Variants in KCNMA1 observed in about 807,000 individuals in gnomAD.
KCNMA1 encodes the protein Calcium-activated potassium channel subunit alpha-1.
Under a neutral mutation model 140.0 loss-of-function variants are expected in KCNMA1, and 29 were observed. The ratio of observed to expected loss-of-function variants is 0.21; its 90% CI spans 0.15 to 0.28. KCNMA1 has a LOEUF of 0.28. Among genes scored for constraint, KCNMA1 ranks in the 10% least tolerant of loss-of-function variants. The pLI, the probability that KCNMA1 is intolerant of heterozygous loss-of-function variation, is 1.00. For missense variants in KCNMA1, 880 were observed against 1,602.2 expected, an observed-to-expected ratio of 0.55 and a Z score of 7.70; for synonymous variants, 612 against 611.9, an observed-to-expected ratio of 1.00 and a Z score of 0.00.
At chr10:77,504,627 T>C (rs138684058) in intron 1 of KCNMA1, among the ~76,000 whole-genome samples, 48 of 152,300 alleles carry the variant, frequency 3.2e-4, no homozygotes, top group African/African-American at 1.0e-3. Context: ...TCTCACTCTG[T>C]TGCCCATGCT....
chr10:77,559,482 C>T (rs996128320), intron 1 of KCNMA1, among the ~76,000 whole-genome samples: 3 of 152,192 alleles, frequency 2.0e-5, no homozygotes, highest in Non-Finnish European at 2.9e-5. Flanking sequence ...AACCCAAACA[C>T]CTCACTAGTA....
At chr10:77,315,269 T>C (rs1447235093) in intron 2 of KCNMA1, among the ~76,000 whole-genome samples, 5 of 152,228 alleles carry the variant, frequency 3.3e-5, no homozygotes, top group African/African-American at 1.2e-4. Context: ...CCAGGCTGTT[T>C]TGGGGACTCA....
intron 2 of KCNMA1, among the ~76,000 whole-genome samples, chr10:77,401,895 T>C (rs2096279280): frequency 6.6e-6 from 1 of 152,168 alleles, no homozygotes; most frequent in Non-Finnish European, 1.5e-5. Flanking sequence ...GCACTTATCC[T>C]CCATGCATTC....
intron 23 of KCNMA1, among the ~76,000 whole-genome samples, chr10:76,938,461 T>C (rs1439418346): frequency 6.6e-6 from 1 of 152,170 alleles, no homozygotes; most frequent in Non-Finnish European, 1.5e-5. Flanking sequence ...CAGGCTTCCA[T>C]CTGGATAGCC....
chr10:77,442,509 A>C (rs1004717439), intron 1 of KCNMA1, among the ~76,000 whole-genome samples: 5 of 151,986 alleles, frequency 3.3e-5, no homozygotes, highest in Non-Finnish European at 7.4e-5. Context: ...CTGCTACTTT[A>C]CTAGTTGTAA....
At chr10:77,025,626 A>AACAAAGGC (rs1232127816) in intron 16 of KCNMA1, among the ~76,000 whole-genome samples, 3 of 152,094 alleles carry the variant, frequency 2.0e-5, no homozygotes, top group Non-Finnish European at 2.9e-5. Context: ...TGAAACCAAC[A>AACAAAGGC]ACAAAGGCAG....
intron 14 of KCNMA1, among the ~76,000 whole-genome samples, chr10:77,055,327 G>C (rs1041074826): frequency 2.0e-5 from 3 of 152,128 alleles, no homozygotes; most frequent in Admixed American, 6.5e-5. Context: ...GCCTGACCTC[G>C]AGGCAGCCAG....
intron 10 of KCNMA1, among the ~76,000 whole-genome samples, chr10:77,087,743 T>G (rs1566014385): frequency 6.6e-6 from 1 of 152,170 alleles, no homozygotes; most frequent in Non-Finnish European, 1.5e-5. Context: ...TGAAAAAGAC[T>G]GTCGATAAGG....
intron 22 of KCNMA1, among the ~76,000 whole-genome samples, chr10:76,947,964 T>C (rs900967719): frequency 6.6e-6 from 1 of 151,174 alleles, no homozygotes; most frequent in African/African-American, 2.4e-5. Flanking sequence ...CCAGACTTCT[T>C]AACATGTAGA....
At position 77,211,739 on chromosome 10, in the gene KCNMA1, A is replaced by G. The variant is rs2046140712; in HGVS notation, c.603-26823T>C. 2.6e-5 allele frequency among the ~76,000 whole-genome samples: 4 copies of G among 152,168 alleles called. No individual in the cohort carries two copies. In the South Asian group the frequency reaches 8.3e-4, roughly 32 times the overall value. On this transcript the variant is annotated intron_variant, in intron 3 of 27. Coordinates refer to ENST00000286628, the MANE Select transcript of KCNMA1 (RefSeq NM_001161352.2). Reference sequence around the variant, plus strand: ...GGTCTAATAACTAGGATCTATAAGGAACTTAAAAAAATTGACAAGCAAATA... The same window carrying G: ...GGTCTAATAACTAGGATCTATAAGGGACTTAAAAAAATTGACAAGCAAATA...
At chr10:77,267,807 G>A (rs992679798) in intron 2 of KCNMA1, among the ~76,000 whole-genome samples, 5 of 152,144 alleles carry the variant, frequency 3.3e-5, no homozygotes, top group African/African-American at 7.2e-5. Flanking sequence ...ACAATAGAAT[G>A]GCTGCTGCAT....
chr10:77,080,676 C>T (rs577452699), intron 12 of KCNMA1, among the ~76,000 whole-genome samples: 1 of 152,218 alleles, frequency 6.6e-6, no homozygotes, highest in South Asian at 2.1e-4. Context: ...GGGCCTGGAG[C>T]AGGGGCTGCC....
intron 15 of KCNMA1, among the ~76,000 whole-genome samples, chr10:77,035,197 CT>C (rs1434201176): frequency 6.6e-6 from 1 of 152,208 alleles, no homozygotes; most frequent in Non-Finnish European, 1.5e-5. Context: ...AGAGAGCTCC[CT>C]ATGGTACCAG....
intron 3 of KCNMA1, among the ~76,000 whole-genome samples, chr10:77,219,162 A>G (rs891664787): frequency 1.3e-5 from 2 of 152,324 alleles, no homozygotes; most frequent in African/African-American, 4.8e-5. Flanking sequence ...CTTCACAGAC[A>G]TGCTTAATAA....
At chr10:76,999,922 C>T (rs2085648437) in intron 19 of KCNMA1, among the ~76,000 whole-genome samples, 1 of 152,038 alleles carries the variant, frequency 6.6e-6, no homozygotes, top group Non-Finnish European at 1.5e-5. Flanking sequence ...AACTTTGGGC[C>T]CAAACATAAG....
chr10:77,002,526 A>G (rs1164580255), intron 18 of KCNMA1, among the ~76,000 whole-genome samples: 2 of 152,196 alleles, frequency 1.3e-5, no homozygotes, highest in African/African-American at 2.4e-5. Flanking sequence ...CTGACAAAAC[A>G]TGAAATAGAA....
intron 2 of KCNMA1, among the ~76,000 whole-genome samples, chr10:77,261,664 T>C (rs1227894119): frequency 6.6e-6 from 1 of 152,142 alleles, no homozygotes; most frequent in Non-Finnish European, 1.5e-5. Context: ...AAGCCGAGGT[T>C]TAATGACACT....
intron 2 of KCNMA1, among the ~76,000 whole-genome samples, chr10:77,259,678 C>A (rs1330611314): frequency 6.6e-6 from 1 of 152,210 alleles, no homozygotes; most frequent in Non-Finnish European, 1.5e-5. Context: ...GCACTTTCCT[C>A]CTCCCAGAAG....
intron 3 of KCNMA1, among the ~76,000 whole-genome samples, chr10:77,208,018 C>T (rs2044704925): frequency 6.6e-6 from 1 of 152,246 alleles, no homozygotes. Flanking sequence ...CTTTTGTCCT[C>T]ATTTGGAAAA....
Sources: allele counts gnomAD v4.1 joint callset (sites outside exome capture counted in the v4.1 genomes callset), GRCh38; gene constraint gnomAD v4.1.1; transcripts MANE v1.5; gene names NCBI Gene and HGNC (gene_info 2026-07-23, HGNC 2026-07-21).